Variants in ULK2 observed in about 807,000 individuals in gnomAD.
The protein encoded by ULK2 is unc-51 like autophagy activating kinase 2, also known as serine/threonine-protein kinase ULK2.
ULK2 carries 76 observed loss-of-function variants against 127.5 expected under a neutral mutation model. The ratio of observed to expected loss-of-function variants is 0.60; its 90% CI spans 0.50 to 0.72. The LOEUF is 0.72. Ranked by LOEUF, ULK2 falls within the 30% of genes least tolerant of loss-of-function variation. The pLI is 0.00. For synonymous variants in ULK2, 452 were observed against 461.9 expected, an observed-to-expected ratio of 0.98 and a Z score of 0.28; for missense variants, 1,144 against 1,295.9, an observed-to-expected ratio of 0.88 and a Z score of 1.80.
chr17:19,811,341 G>T (rs575824239), intron 13 of ULK2: 1 of 151,524 alleles, frequency 6.6e-6, no homozygotes, highest in Non-Finnish European at 1.5e-5. Context: ...TAAATCAAAA[G>T]AAAATAAAAT....
chr17:19,783,596 CA>C, intron 22 of ULK2, 100 bp downstream of exon 22: 1 of 1,205,990 alleles, frequency 8.3e-7, no homozygotes, highest in Non-Finnish European at 1.1e-6. Flanking sequence ...TTAAAGAGAA[CA>C]TAACTTCCTA....
At chr17:19,829,379 T>C (rs2041374148) in intron 10 of ULK2, among the ~76,000 whole-genome samples, 1 of 151,548 alleles carries the variant, frequency 6.6e-6, no homozygotes, top group South Asian at 2.1e-4. Context: ...CCACAAAAAA[T>C]ACAAAAATTA....
At chr17:19,780,845 A>T (rs1462512540) in intron 24 of ULK2, 141 bp downstream of exon 24, 1 of 970,372 alleles carries the variant, frequency 1.0e-6, no homozygotes, top group Non-Finnish European at 1.5e-6. Context: ...GCAAAAAGCT[A>T]ACAACCCAGC....
chr17:19,775,862 T>C lies in ULK2; in HGVS notation c.*487A>G, dbSNP rs1567667853. 1 of 153,122 alleles carries C rather than the reference T, an allele frequency of 6.5e-6. No individual in the cohort carries two copies. Among genetic ancestry groups the C allele is most frequent in the Non-Finnish European group, 1.5e-5 (1 of 68,434 alleles). 9.5% of individuals were successfully genotyped at this position (153,122 alleles called of 1,614,324 possible). ...GTTTCACTTCTTCTTAAGCTATTTC[T>C]TCCTGAGCTGTTTAAAGATGCATGC... On this transcript the variant is annotated 3_prime_UTR_variant, in exon 27 of 27. Coordinates refer to ENST00000395544, the MANE Select transcript of ULK2 (RefSeq NM_014683.4).
At chr17:19,794,429 A>C (rs1015127937) in intron 20 of ULK2, among the ~76,000 whole-genome samples, 1 of 152,174 alleles carries the variant, frequency 6.6e-6, no homozygotes, top group Admixed American at 6.5e-5. Flanking sequence ...TAGGAAACAG[A>C]AAACACCAAG....
intron 15 of ULK2, among the ~76,000 whole-genome samples, chr17:19,803,927 G>A (rs2087455089): frequency 6.6e-6 from 1 of 152,170 alleles, no homozygotes; most frequent in Non-Finnish European, 1.5e-5. Context: ...TGAGATTTAG[G>A]TCTCTCTGAG....
intron 9 of ULK2, chr17:19,840,489 G>A: frequency 2.2e-6 from 1 of 458,048 alleles, no homozygotes; most frequent in Non-Finnish European, 4.3e-6. Flanking sequence ...AGGAAAATTG[G>A]ATCAAACATT....
chr17:19,858,921 G>C (rs997455954), intron 3 of ULK2, among the ~76,000 whole-genome samples: 3 of 152,000 alleles, frequency 2.0e-5, no homozygotes, highest in African/African-American at 7.2e-5. Context: ...AGTGAGCCAG[G>C]ATCGTGCCAC....
chr17:19,859,488 G>A (rs780648421), intron 3 of ULK2, among the ~76,000 whole-genome samples: 3 of 152,176 alleles, frequency 2.0e-5, no homozygotes, highest in African/African-American at 7.2e-5. Flanking sequence ...CTGCACTCCC[G>A]CCTGGGTAAC....
chr17:19,844,658 A>C (rs1014967368), intron 7 of ULK2, among the ~76,000 whole-genome samples: 3 of 152,096 alleles, frequency 2.0e-5, no homozygotes, highest in Admixed American at 2.0e-4. Flanking sequence ...TTCAAAGTTG[A>C]TTTTAGTTTA....
In ULK2 at chr17:19,797,683, C is replaced by A. The variant is rs753318250; in HGVS notation, c.1523-1G>T. ...GACTGAGCTTGTGGCACTGGAGAAC[C>A]TAACAAGAAAACAAATGTAACATTA... On this transcript the variant is annotated splice_acceptor_variant, in intron 17 of 26. Coordinates refer to ENST00000395544, the MANE Select transcript of ULK2 (RefSeq NM_014683.4). LOFTEE classifies it high-confidence loss of function. 5 of 1,487,654 alleles carry A rather than the reference C, an allele frequency of 3.4e-6. No individual in the cohort carries two copies. In the South Asian group the frequency reaches 6.9e-5, roughly 21 times the overall value. 92.2% of individuals were successfully genotyped at this position (1,487,654 alleles called of 1,614,324 possible).
At chr17:19,779,026 G>C (rs2086863621) in intron 25 of ULK2, among the ~76,000 whole-genome samples, 1 of 152,086 alleles carries the variant, frequency 6.6e-6, no homozygotes, top group Non-Finnish European at 1.5e-5. Context: ...TCTCAACTCA[G>C]CATACAGTGA....
chr17:19,810,015 A>G (rs2087599532), intron 14 of ULK2, among the ~76,000 whole-genome samples: 1 of 152,188 alleles, frequency 6.6e-6, no homozygotes, highest in Non-Finnish European at 1.5e-5. Context: ...GCGGATCATG[A>G]GATCAGGAGA....
chr17:19,781,211 A>T, intron 23 of ULK2, 107 bp from the exon 24 acceptor site: 7 of 699,548 alleles, frequency 1.0e-5, no homozygotes, highest in South Asian at 4.3e-5. Context: ...AAGGAATAGC[A>T]TCCTCTTTGA....
chr17:19,813,112 G>C (rs913385698), intron 13 of ULK2, among the ~76,000 whole-genome samples: 1 of 152,102 alleles, frequency 6.6e-6, no homozygotes, highest in Non-Finnish European at 1.5e-5. Flanking sequence ...GATAATATCA[G>C]GTTTATACTC....
chr17:19,783,477 C>T (rs1371656064), intron 22 of ULK2, among the ~76,000 whole-genome samples: 1 of 152,024 alleles, frequency 6.6e-6, no homozygotes, highest in African/African-American at 2.4e-5. Flanking sequence ...AAGAAAAACA[C>T]AGAATCTATG....
intron 21 of ULK2, among the ~76,000 whole-genome samples, chr17:19,784,945 C>T (rs1402992659): frequency 6.6e-6 from 1 of 152,076 alleles, no homozygotes; most frequent in Non-Finnish European, 1.5e-5. Context: ...AATTTTAGAT[C>T]TATTTTCTCT....
chr17:19,867,601 G>A lies in ULK2; in HGVS notation c.-184C>T, dbSNP rs374310405. The A allele has an allele frequency of 1.9e-5, 6 of 308,570 alleles. No homozygotes were observed. The highest frequency in any genetic ancestry group is 1.5e-4 in the South Asian group (1 of 6,568). The allele number at this position is 308,570 out of a possible 1,614,324, so 19.1% of individuals were successfully genotyped here. Reference sequence around the variant, plus strand: ...CGGAAACTGGGGAAGCTGCCGCGCGGAGCCAGGGTCAGCGAGGCCCGGCCC... The same window carrying A: ...CGGAAACTGGGGAAGCTGCCGCGCGAAGCCAGGGTCAGCGAGGCCCGGCCC... On this transcript the variant is annotated 5_prime_UTR_variant, in exon 1 of 27. Coordinates refer to ENST00000395544, the MANE Select transcript of ULK2 (RefSeq NM_014683.4).
intron 13 of ULK2, 143 bp from the exon 14 acceptor site, chr17:19,810,581 A>C (rs2087616698): frequency 3.5e-6 from 2 of 564,638 alleles, no homozygotes. Flanking sequence ...ATAAGAAATA[A>C]TAGATGACCT....
Sources: gnomAD v4.1 joint callset for allele counts (sites outside exome capture counted in the v4.1 genomes callset) on GRCh38, gnomAD v4.1.1 for gene constraint, MANE v1.5 for transcripts, NCBI Gene and HGNC (gene_info 2026-07-23, HGNC 2026-07-21) for gene names.